The following VPS8 variants were observed in gnomAD, a reference collection of about 807,000 sequenced individuals.
VPS8 encodes vacuolar protein sorting-associated protein 8 homolog.
Under a neutral mutation model 216.4 loss-of-function variants are expected in VPS8, and 129 were observed. That is an observed-to-expected ratio of 0.60 (90% confidence interval 0.52 to 0.69). The LOEUF (loss-of-function observed/expected upper bound fraction) is 0.69. Ranked by LOEUF, VPS8 falls within the 30% of genes least tolerant of loss-of-function variation. The probability of loss-of-function intolerance (pLI) is 0.00; values close to 1 mark genes in which losing one functional copy is unlikely to be tolerated. For missense variants in VPS8, 1,531 were observed against 1,683.5 expected (o/e 0.91, Z 1.59); for synonymous variants, 571 against 565.4 (o/e 1.01, Z -0.14).
chr3:184,821,141 C>T (rs1482629715), intron 1 of VPS8, among the ~76,000 whole-genome samples: 1 of 152,174 alleles, frequency 6.6e-6, no homozygotes, highest in African/African-American at 2.4e-5. Context: ...GTAATCATAT[C>T]ATTTGTTCCT....
At chr3:185,035,834 T>C (rs1485033339) in intron 46 of VPS8, among the ~76,000 whole-genome samples, 2 of 152,212 alleles carry the variant, frequency 1.3e-5, no homozygotes, top group East Asian at 3.8e-4. Flanking sequence ...TCTTCATTGA[T>C]AATATGATTC....
At chr3:184,824,171 T>G (rs932261063) in intron 1 of VPS8, 3 of 155,662 alleles carry the variant, frequency 1.9e-5, no homozygotes, top group Admixed American at 1.9e-4. Flanking sequence ...TACCCTGGGG[T>G]TTGGAATGTA....
intron 36 of VPS8, among the ~76,000 whole-genome samples, chr3:184,951,940 T>G (rs1002798346): frequency 1.1e-4 from 16 of 152,364 alleles, no homozygotes; most frequent in African/African-American, 3.8e-4. Flanking sequence ...TCTGGGTGAT[T>G]TGCTTGGTTT....
At chr3:185,009,565 A>C (rs1285123687) in intron 45 of VPS8, among the ~76,000 whole-genome samples, 1 of 152,186 alleles carries the variant, frequency 6.6e-6, no homozygotes, top group East Asian at 1.9e-4. Flanking sequence ...TATAAATGTA[A>C]TATGAAGACT....
chr3:184,902,346 G>C (rs1734675856), intron 25 of VPS8, among the ~76,000 whole-genome samples: 5 of 149,670 alleles, frequency 3.3e-5, no homozygotes, highest in East Asian at 4.0e-4. Context: ...TGTGGTGGTG[G>C]GTGCCTGTAG....
rs73067314 is a variant in VPS8, at chr3:185,008,941, G to A, written c.4002+9080G>A. Among the ~76,000 whole-genome samples, 414 of 152,314 alleles carry A rather than the reference G, an allele frequency of 2.7e-3. 1 individual carries two copies. The highest frequency in any genetic ancestry group is 8.9e-3 in the African/African-American group (369 of 41,564). ...AAAGAATAAGGGAGAGTAACATGAG[G>A]GAAACCTACTTTAGATTAGGAGACA... is the stretch of plus-strand genomic sequence containing the variant. On this transcript the variant is annotated intron_variant, in intron 45 of 47. Transcript: ENST00000625842.
intron 21 of VPS8, among the ~76,000 whole-genome samples, chr3:184,881,621 A>T (rs192501612): frequency 6.6e-6 from 1 of 152,146 alleles, no homozygotes; most frequent in African/African-American, 2.4e-5. Flanking sequence ...CAACTATTCC[A>T]ATTTCTTTGA....
At chr3:185,030,365 A>G (rs1421634540) in intron 46 of VPS8, among the ~76,000 whole-genome samples, 1 of 152,196 alleles carries the variant, frequency 6.6e-6, no homozygotes, top group East Asian at 1.9e-4. Flanking sequence ...TACCTCTCTG[A>G]GCAACCCCTG....
chr3:184,831,268 A>G (rs1489654378), intron 3 of VPS8, among the ~76,000 whole-genome samples: 1 of 152,220 alleles, frequency 6.6e-6, no homozygotes, highest in African/African-American at 2.4e-5. Context: ...TTGAGGCTGC[A>G]GTGAGCTGTG....
chr3:185,009,820 A>G (rs1393521040), intron 45 of VPS8, among the ~76,000 whole-genome samples: 2 of 152,088 alleles, frequency 1.3e-5, no homozygotes, highest in African/African-American at 4.8e-5. Flanking sequence ...TCAAGGGGAC[A>G]GGGCTCAGAG....
intron 42 of VPS8, among the ~76,000 whole-genome samples, chr3:184,984,166 A>T (rs1750669372): frequency 6.7e-6 from 1 of 148,744 alleles, no homozygotes; most frequent in African/African-American, 2.5e-5. Flanking sequence ...CCTGGGCAAC[A>T]GAGCGAGACT....
chr3:184,813,972 C>T (rs1353786406), intron 1 of VPS8: 1 of 152,204 alleles, frequency 6.6e-6, no homozygotes. Context: ...TAAGATCAAA[C>T]TGTTGTATTC....
At chr3:184,935,595 T>C (rs1043532798) in intron 34 of VPS8, among the ~76,000 whole-genome samples, 11 of 151,984 alleles carry the variant, frequency 7.2e-5, no homozygotes, top group South Asian at 2.1e-4. Flanking sequence ...ATTGGAAAGG[T>C]AGAATATTAG....
At chr3:184,828,687 A>G (rs1719342696) in intron 3 of VPS8, among the ~76,000 whole-genome samples, 1 of 152,306 alleles carries the variant, frequency 6.6e-6, no homozygotes, top group Non-Finnish European at 1.5e-5. Flanking sequence ...GAATAGTCCT[A>G]GGTTTACTTC....
intron 40 of VPS8, among the ~76,000 whole-genome samples, chr3:184,980,849 A>G (rs944292204): frequency 6.6e-6 from 1 of 152,294 alleles, no homozygotes; most frequent in African/African-American, 2.4e-5. Flanking sequence ...CTTAAGATCC[A>G]TTGCTGGGGA....
chr3:184,995,572 G>A (rs1034993515), intron 43 of VPS8, among the ~76,000 whole-genome samples: 3 of 152,204 alleles, frequency 2.0e-5, no homozygotes, highest in African/African-American at 7.2e-5. Flanking sequence ...TGTATAACAA[G>A]GAGGGCAGGC....
chr3:184,950,315 A>G (rs986097138), intron 36 of VPS8, among the ~76,000 whole-genome samples: 25 of 133,974 alleles, frequency 1.9e-4, no homozygotes, highest in Middle Eastern at 5.4e-3. Flanking sequence ...AAAGGGGGCC[A>G]CCACATCTAA....
At chr3:184,884,174 C>A (rs112163467) in intron 21 of VPS8, among the ~76,000 whole-genome samples, 469 of 152,154 alleles carry the variant, frequency 3.1e-3, no homozygotes, top group African/African-American at 0.011. Context: ...CTACACCCAT[C>A]AGCTCGTCAT....
rs186737788 is a variant in VPS8 at position 184,973,368 on chromosome 3, T to C, written c.3420+1616T>C. On this transcript the variant is annotated intron_variant, in intron 40 of 47. Transcript: ENST00000625842. ...AAAAATATAGTACTCAAAAAATGTA[T>C]GTATATTACTCAGCTTCCCATAGGA... is the stretch of plus-strand genomic sequence containing the variant. 1.1e-3 allele frequency among the ~76,000 whole-genome samples: 175 copies of C among 152,320 alleles called. 2 individuals carry two copies. Among genetic ancestry groups the C allele is most frequent in the African/African-American group, 4.1e-3 (169 of 41,584 alleles).
Sources: allele counts gnomAD v4.1 joint callset (sites outside exome capture counted in the v4.1 genomes callset), GRCh38; gene constraint gnomAD v4.1.1; transcripts MANE v1.5; gene names NCBI Gene and HGNC (gene_info 2026-07-23, HGNC 2026-07-21).